The following PTPRM variants were observed in gnomAD, a reference collection of about 807,000 sequenced individuals.
PTPRM encodes the protein receptor-type tyrosine-protein phosphatase mu.
PTPRM carries 47 observed loss-of-function variants against 186.7 expected under a neutral mutation model. The observed-to-expected ratio is 0.25, with a 90% CI of 0.20 to 0.32. The LOEUF (loss-of-function observed/expected upper bound fraction) is 0.32, where lower values mean the gene tolerates loss of function less well. Ranked by LOEUF, PTPRM falls within the 10% of genes least tolerant of loss-of-function variation. The pLI, the probability that PTPRM is intolerant of heterozygous loss-of-function variation, is 1.00. For missense variants in PTPRM, 1,494 were observed against 1,865.0 expected (o/e 0.80, Z 3.66); for synonymous variants, 668 against 674.9 (o/e 0.99, Z 0.16).
chr18:8,284,298 G>A (rs1204846287), intron 19 of PTPRM, among the ~76,000 whole-genome samples: 1 of 152,102 alleles, frequency 6.6e-6, no homozygotes, highest in East Asian at 1.9e-4. Flanking sequence ...TAAAAAAATT[G>A]AACCACGTGC....
At chr18:8,202,201 A>G (rs967678172) in intron 14 of PTPRM, among the ~76,000 whole-genome samples, 1 of 152,248 alleles carries the variant, frequency 6.6e-6, no homozygotes, top group Non-Finnish European at 1.5e-5. Flanking sequence ...ATAAGATCTC[A>G]TACGAGTTAT....
intron 1 of PTPRM, among the ~76,000 whole-genome samples, chr18:7,743,845 A>G (rs1421427228): frequency 6.6e-6 from 1 of 152,198 alleles, no homozygotes; most frequent in African/African-American, 2.4e-5. Context: ...TGTTTACATA[A>G]AAGTAGGACT....
At chr18:7,998,717 C>T (rs1232041403) in intron 7 of PTPRM, among the ~76,000 whole-genome samples, 1 of 152,070 alleles carries the variant, frequency 6.6e-6, no homozygotes, top group Non-Finnish European at 1.5e-5. Context: ...TGCAGTGGCA[C>T]GATCTCAGCT....
chr18:8,393,454 G>A (rs1046408915), intron 31 of PTPRM, among the ~76,000 whole-genome samples: 3 of 152,156 alleles, frequency 2.0e-5, no homozygotes, highest in Non-Finnish European at 4.4e-5. Context: ...GTCAAGGTCA[G>A]GAAATACAAG....
intron 1 of PTPRM, among the ~76,000 whole-genome samples, chr18:7,593,411 G>A (rs764241439): frequency 3.9e-5 from 6 of 152,136 alleles, no homozygotes; most frequent in Non-Finnish European, 8.8e-5. Flanking sequence ...CTCAATGTCA[G>A]CCAGATTTGC....
chr18:7,830,789 C>T (rs575718086), intron 2 of PTPRM, among the ~76,000 whole-genome samples: 1 of 152,174 alleles, frequency 6.6e-6, no homozygotes, highest in Non-Finnish European at 1.5e-5. Flanking sequence ...AAGTCTGTGT[C>T]CTTCCTCCAA....
chr18:8,134,061 T>G (rs965260855), intron 13 of PTPRM, among the ~76,000 whole-genome samples: 2 of 152,194 alleles, frequency 1.3e-5, no homozygotes, highest in African/African-American at 4.8e-5. Context: ...AAGGGCGGAA[T>G]AAACCTCCTT....
chr18:7,803,676 C>A (rs1215607969), intron 2 of PTPRM, among the ~76,000 whole-genome samples: 5 of 152,070 alleles, frequency 3.3e-5, no homozygotes, highest in Non-Finnish European at 7.4e-5. Context: ...AGAGAAGGGG[C>A]TGAAGAAGGA....
At chr18:7,794,020 G>T (rs1207271506) in intron 2 of PTPRM, among the ~76,000 whole-genome samples, 4 of 152,188 alleles carry the variant, frequency 2.6e-5, no homozygotes, top group African/African-American at 9.7e-5. Context: ...GGCAGTTGGA[G>T]GAGAGCCTGG....
intron 2 of PTPRM, among the ~76,000 whole-genome samples, chr18:7,813,916 C>A (rs1319112641): frequency 6.6e-6 from 1 of 152,100 alleles, no homozygotes; most frequent in East Asian, 1.9e-4. Context: ...TTTCAGATCA[C>A]CTTTAAAAAA....
chr18:8,240,808 GAGAGAGAGAGAGAGAGAGAAAGAA>G (rs1568584973), intron 14 of PTPRM, among the ~76,000 whole-genome samples: 3 of 50,590 alleles, frequency 5.9e-5, no homozygotes, highest in African/African-American at 2.8e-4. Flanking sequence ...GAGAGAGAGA[GAGAGAGAGAGAGAGAGAGAAAGAA>G]AGAAAGAAAG....
chr18:8,091,938 C>T (rs568630877), intron 11 of PTPRM, among the ~76,000 whole-genome samples: 2 of 152,152 alleles, frequency 1.3e-5, no homozygotes, highest in South Asian at 2.1e-4. Flanking sequence ...AAGATAAATA[C>T]TAGAAGGAGG....
intron 20 of PTPRM, among the ~76,000 whole-genome samples, chr18:8,309,882 A>G (rs1243734992): frequency 1.3e-5 from 2 of 152,162 alleles, no homozygotes; most frequent in African/African-American, 4.8e-5. Flanking sequence ...ATAGATAACC[A>G]TATATAAGAG....
At chr18:7,859,066 A>G (rs753879851) in intron 2 of PTPRM, among the ~76,000 whole-genome samples, 3 of 152,244 alleles carry the variant, frequency 2.0e-5, no homozygotes, top group Admixed American at 6.5e-5. Flanking sequence ...AAATTTATAT[A>G]AATGAGATTT....
At chr18:7,844,515 C>G (rs552339514) in intron 2 of PTPRM, among the ~76,000 whole-genome samples, 25 of 152,238 alleles carry the variant, frequency 1.6e-4, no homozygotes, top group Non-Finnish European at 2.9e-4. Context: ...CAGAGGAGAA[C>G]TTTCATGTAG....
chr18:8,099,732 C>T (rs988979826), intron 11 of PTPRM, among the ~76,000 whole-genome samples: 1 of 152,222 alleles, frequency 6.6e-6, no homozygotes, highest in Non-Finnish European at 1.5e-5. Context: ...GACATCTAAT[C>T]TCTCTGATGT....
At chr18:8,115,515 C>A (rs1568365824) in intron 13 of PTPRM, among the ~76,000 whole-genome samples, 1 of 152,126 alleles carries the variant, frequency 6.6e-6, no homozygotes, top group Non-Finnish European at 1.5e-5. Flanking sequence ...CCGTCACATA[C>A]AGAAATGTAT....
At chr18:7,732,708 T>G (rs1201711523) in intron 1 of PTPRM, among the ~76,000 whole-genome samples, 1 of 152,062 alleles carries the variant, frequency 6.6e-6, no homozygotes, top group East Asian at 1.9e-4. Flanking sequence ...AGTCTCACTA[T>G]TGCCCAGGCT....
intron 6 of PTPRM, among the ~76,000 whole-genome samples, chr18:7,950,738 C>T (rs139925798): frequency 1.5e-4 from 23 of 152,242 alleles, no homozygotes; most frequent in African/African-American, 4.8e-4. Context: ...TCTCTCTGGT[C>T]CAGTCTGTCA....
Sources: allele counts gnomAD v4.1 joint callset (sites outside exome capture counted in the v4.1 genomes callset), GRCh38; gene constraint gnomAD v4.1.1; transcripts MANE v1.5; gene names NCBI Gene and HGNC (gene_info 2026-07-23, HGNC 2026-07-21).